SLC4A7: variants seen among roughly 807,000 people sequenced by gnomAD.
SLC4A7 encodes solute carrier family 4 member 7.
A neutral mutation model predicts 137.6 loss-of-function variants in SLC4A7; 51 were observed. The ratio of observed to expected loss-of-function variants is 0.37; its 90% CI spans 0.30 to 0.47. The LOEUF (loss-of-function observed/expected upper bound fraction) is 0.47. SLC4A7 is among the 20% of genes least tolerant of loss of function. The probability of loss-of-function intolerance (pLI) is 1.00; values close to 1 mark genes in which losing one functional copy is unlikely to be tolerated. For synonymous variants in SLC4A7, 542 were observed against 518.6 expected, an observed-to-expected ratio of 1.05 and a Z score of -0.61; for missense variants, 1,247 against 1,525.4, an observed-to-expected ratio of 0.82 and a Z score of 3.04.
At chr3:27,402,636 C>T (rs1166078277) in intron 15 of SLC4A7, among the ~76,000 whole-genome samples, 1 of 151,572 alleles carries the variant, frequency 6.6e-6, no homozygotes, top group Non-Finnish European at 1.5e-5. Context: ...GAGGCAGAGG[C>T]TGCAGTTAGC....
Position 27,398,261 on chromosome 3 carries a change from C to T in SLC4A7, c.2520G>A (p.Leu840=), listed in dbSNP as rs774818885. The change falls in exon 17 of 26, where the codon TTG becomes TTA. Residue 840 remains leucine, a synonymous_variant. Transcript: ENST00000454389. ...IPDVLFWCVI[L]FFTTFFLSSF... is the part of the protein sequence containing the mutation. The stretch of plus-strand genomic sequence containing the variant: ...AAGACAGAAAAAATGTTGTGAAAAA[C>T]AAGATGACACACCAAAAGAGCACAT... 2.7e-5 allele frequency: 43 copies of T among 1,613,054 alleles called. No individual in the cohort carries two copies. Among genetic ancestry groups the T allele is most frequent in the Non-Finnish European group, 2.9e-5 (34 of 1,179,362 alleles).
chr3:27,373,350 T>C lies in SLC4A7; in HGVS notation c.*3414A>G, dbSNP rs2049688634. On this transcript the variant is annotated 3_prime_UTR_variant, in exon 26 of 26. Coordinates refer to ENST00000454389, the MANE Select transcript of SLC4A7 (RefSeq NM_001321103.2). ...GCCAAATTTTGCAATTTGAACACTA[T>C]TTTAAACTTTGAATGTCCTTAAAGT... The C allele has an allele frequency of 6.6e-6, 1 of 152,174 alleles. No homozygotes were observed. Among genetic ancestry groups the C allele is most frequent in the Non-Finnish European group, 1.5e-5 (1 of 67,978 alleles). 9.4% of individuals were successfully genotyped at this position (152,174 alleles called of 1,614,324 possible).
intron 1 of SLC4A7, among the ~76,000 whole-genome samples, chr3:27,482,690 T>G (rs193239656): frequency 4.6e-5 from 7 of 152,198 alleles, no homozygotes; most frequent in Admixed American, 2.6e-4. Context: ...GAGAATCGGT[T>G]GAACCTGGGA....
chr3:27,409,370 T>C lies in SLC4A7; in HGVS notation c.1927A>G (p.Thr643Ala), dbSNP rs758572914. ...ITFGGLLGEATEGRISAIESL... is the reference protein window; with the variant it reads ...ITFGGLLGEAAEGRISAIESL... Reference sequence around the variant, plus strand: ...TTTGTACTCACTATTCTGCCTTCTGTAGCTTCTCCAAGCAGCCCTCCAAAA... The same window carrying C: ...TTTGTACTCACTATTCTGCCTTCTGCAGCTTCTCCAAGCAGCCCTCCAAAA... Residue 643 changes from threonine (T) to alanine (A), a missense_variant, in exon 13 of 26, where the codon ACA becomes GCA. Thr to Ala is a moderately conservative substitution (Grantham distance 58). Coordinates refer to ENST00000454389, the MANE Select transcript of SLC4A7 (RefSeq NM_001321103.2). 1.9e-6 allele frequency: 3 copies of C among 1,610,322 alleles called. No individual in the cohort carries two copies. Among genetic ancestry groups the C allele is most frequent in the South Asian group, 2.2e-5 (2 of 90,326 alleles).
At chr3:27,468,242 T>C (rs1483456805) in intron 1 of SLC4A7, among the ~76,000 whole-genome samples, 2 of 152,172 alleles carry the variant, frequency 1.3e-5, no homozygotes, top group Non-Finnish European at 2.9e-5. Context: ...TAAATTCTTA[T>C]TAAGAGATTA....
At chr3:27,461,233 CACAA>C (rs1172447219) in intron 1 of SLC4A7, among the ~76,000 whole-genome samples, 8 of 132,790 alleles carry the variant, frequency 6.0e-5, no homozygotes, top group Non-Finnish European at 1.2e-4. Context: ...CACACACACA[CACAA>C]AACACATTCA....
At chr3:27,445,241 A>T (rs1458429259) in intron 3 of SLC4A7, among the ~76,000 whole-genome samples, 1 of 152,080 alleles carries the variant, frequency 6.6e-6, no homozygotes, top group Non-Finnish European at 1.5e-5. Context: ...ATTCAAAAGG[A>T]TCCTTTTTCA....
intron 24 of SLC4A7, among the ~76,000 whole-genome samples, chr3:27,381,916 C>T (rs2050458346): frequency 6.6e-6 from 1 of 152,030 alleles, no homozygotes; most frequent in Admixed American, 6.6e-5. Context: ...TGGTGAAACC[C>T]CATCTCTACT....
intron 1 of SLC4A7, among the ~76,000 whole-genome samples, chr3:27,483,365 A>G (rs1241241597): frequency 2.0e-5 from 3 of 152,226 alleles, no homozygotes; most frequent in Non-Finnish European, 4.4e-5. Flanking sequence ...AAGGAGCACC[A>G]GACAGCTCAG....
chr3:27,425,008 C>T (rs2055407181), intron 7 of SLC4A7, among the ~76,000 whole-genome samples: 1 of 152,164 alleles, frequency 6.6e-6, no homozygotes, highest in Non-Finnish European at 1.5e-5. Flanking sequence ...ATAATAAAAA[C>T]ACAGCTTAAT....
At chr3:27,470,223 G>A (rs943002866) in intron 1 of SLC4A7, among the ~76,000 whole-genome samples, 5 of 151,156 alleles carry the variant, frequency 3.3e-5, no homozygotes, top group Non-Finnish European at 5.9e-5. Flanking sequence ...GCTAATTGTA[G>A]ATCTTTTTTT....
In SLC4A7 at chr3:27,374,015, A is replaced by G. The variant is rs2049736410; in HGVS notation, c.*2749T>C. On this transcript the variant is annotated 3_prime_UTR_variant, in exon 26 of 26. Coordinates refer to ENST00000454389, the MANE Select transcript of SLC4A7 (RefSeq NM_001321103.2). Reference sequence around the variant, plus strand: ...TGTGTGCTTGGCTTCGGCATATTTAATATCATTAAAGAATATATAGAATCA... The same window carrying G: ...TGTGTGCTTGGCTTCGGCATATTTAGTATCATTAAAGAATATATAGAATCA... 6.6e-6 allele frequency: 1 copy of G among 152,546 alleles called. No individual in the cohort carries two copies. The highest frequency in any genetic ancestry group is 1.5e-5 in the Non-Finnish European group (1 of 67,946). 9.4% of individuals were successfully genotyped at this position (152,546 alleles called of 1,614,324 possible).
At chr3:27,395,286 C>A (rs1166630582) in intron 18 of SLC4A7, among the ~76,000 whole-genome samples, 171 bp from the exon 19 acceptor site, 4 of 152,178 alleles carry the variant, frequency 2.6e-5, no homozygotes, top group African/African-American at 7.2e-5. Flanking sequence ...TTCTTCCTAT[C>A]CCTATAACTA....
chr3:27,422,377 T>C (rs7623200), intron 8 of SLC4A7, among the ~76,000 whole-genome samples: 140,763 of 152,214 alleles, frequency 0.92, 65,207 homozygotes, highest in East Asian at 1. Context: ...AAGCAATCCT[T>C]GCACCTTGGC....
intron 3 of SLC4A7, among the ~76,000 whole-genome samples, chr3:27,445,782 A>C (rs1293885873): frequency 1.2e-4 from 14 of 117,370 alleles, no homozygotes; most frequent in Admixed American, 8.9e-4. Flanking sequence ...AAAAAAAAAA[A>C]TTAGCCGTGC....
intron 13 of SLC4A7, among the ~76,000 whole-genome samples, chr3:27,407,831 C>A (rs1017600899): frequency 2.0e-5 from 3 of 151,952 alleles, no homozygotes; most frequent in African/African-American, 7.3e-5. Context: ...TGTAAATTAT[C>A]TTTCTTGTTA....
intron 11 of SLC4A7, among the ~76,000 whole-genome samples, chr3:27,414,616 T>C (rs563704530): frequency 1.3e-5 from 2 of 152,358 alleles, no homozygotes; most frequent in African/African-American, 4.8e-5. Flanking sequence ...AGGATCCATG[T>C]TGCAAAAGAA....
chr3:27,480,240 T>G (rs2059652318), intron 1 of SLC4A7, among the ~76,000 whole-genome samples: 1 of 152,220 alleles, frequency 6.6e-6, no homozygotes. Context: ...CAGCTTTGTT[T>G]CATCTTGTAT....
intron 15 of SLC4A7, among the ~76,000 whole-genome samples, chr3:27,401,578 TTAG>T (rs1208302378): frequency 6.6e-6 from 1 of 152,166 alleles, no homozygotes; most frequent in Non-Finnish European, 1.5e-5. Context: ...CCAGGCGCTT[TTAG>T]TAGATGACTG....
Sources: allele counts gnomAD v4.1 joint callset (sites outside exome capture counted in the v4.1 genomes callset), GRCh38; gene constraint gnomAD v4.1.1; transcripts MANE v1.5; gene names NCBI Gene and HGNC (gene_info 2026-07-23, HGNC 2026-07-21).